The following GTSE1 variants were observed in gnomAD, a reference collection of about 807,000 sequenced individuals.
GTSE1 encodes G2 and S phase-expressed protein 1.
GTSE1 carries 52 observed loss-of-function variants against 60.5 expected under a neutral mutation model. The ratio of observed to expected loss-of-function variants is 0.86; its 90% confidence interval spans 0.69 to 1.08. GTSE1 has a LOEUF of 1.08. Ranked by LOEUF, GTSE1 falls within the 50% of genes least tolerant of loss-of-function variation. The pLI, the probability that GTSE1 is intolerant of heterozygous loss-of-function variation, is 0.00. For synonymous variants in GTSE1, 368 were observed against 386.5 expected, an observed-to-expected ratio of 0.95 and a Z score of 0.56; for missense variants, 937 against 961.8, an observed-to-expected ratio of 0.97 and a Z score of 0.34.
At chr22:46,306,451 G>A (rs1377228673) in intron 2 of GTSE1, among the ~76,000 whole-genome samples, 1 of 150,306 alleles carries the variant, frequency 6.7e-6, no homozygotes, top group Non-Finnish European at 1.5e-5. Flanking sequence ...AAAGTGCTGG[G>A]ATTACAGGCG....
Position 46,330,343 on chromosome 22 carries a change from G to T in GTSE1, c.*213G>T. The T allele has an allele frequency of 2.0e-6, 1 of 498,434 alleles. No homozygotes were observed. Among genetic ancestry groups the T allele is most frequent in the South Asian group, 2.2e-5 (1 of 46,036 alleles). 30.9% of individuals were successfully genotyped at this position (498,434 alleles called of 1,614,324 possible). On this transcript the variant is annotated 3_prime_UTR_variant, in exon 12 of 12. Coordinates refer to ENST00000454366, the MANE Select transcript of GTSE1 (RefSeq NM_016426.7). The surrounding 1 kb of genome is among the most constrained non-coding windows in gnomAD (Gnocchi z 6.0). ...CAAAAAATACAAAAATTAGCCGGGTGTGGTAGTGCATGCCTGTAGTCCCAG... is the reference window on the plus strand; with the variant it reads ...CAAAAAATACAAAAATTAGCCGGGTTTGGTAGTGCATGCCTGTAGTCCCAG...
chr22:46,329,987 G>A lies in GTSE1; in HGVS notation c.2137-60G>A. On this transcript the variant is annotated intron_variant, in intron 11 of 11. Transcript: ENST00000454366. The surrounding 1 kb of genome is among the most constrained non-coding windows in gnomAD (Gnocchi z 6.4). ...CCACGCAGCCAGTCCTCTGTGCAGG[G>A]AGGGGAAGGGAGGCCCTAGCCGGAT... 1.0e-6 allele frequency: 1 copy of A among 1,002,342 alleles called. No homozygotes were observed. The highest frequency in any genetic ancestry group is 1.3e-5 in the South Asian group (1 of 78,392). 62.1% of individuals were successfully genotyped at this position (1,002,342 alleles called of 1,614,324 possible).
In GTSE1 at chr22:46,318,773, G is replaced by C. The variant is rs1217310280; in HGVS notation, c.1432+2361G>C. On this transcript the variant is annotated intron_variant, in intron 7 of 11. Transcript: ENST00000454366. The surrounding 1 kb of genome is among the most constrained non-coding windows in gnomAD (Gnocchi z 4.8). ...CGGAGGGTGGGAGTGCAGCCGCTGC[G>C]GTCGGGATTCTGCGTAGACGTGCGA... Among the ~76,000 whole-genome samples the C allele has an allele frequency of 6.6e-6, 1 of 152,136 alleles. No homozygotes were observed. Among genetic ancestry groups the C allele is most frequent in the Non-Finnish European group, 1.5e-5 (1 of 68,026 alleles).
In GTSE1 at chr22:46,304,526, T is replaced by A. The variant is rs1203761779; in HGVS notation, c.80-3624T>A. Among the ~76,000 whole-genome samples, 2 of 152,212 alleles carry A rather than the reference T, an allele frequency of 1.3e-5. No homozygotes were observed. The highest frequency in any genetic ancestry group is 2.9e-5 in the Non-Finnish European group (2 of 68,036). ...GCCCGTTCAACATATGTGCAGACGA[T>A]CATGGTTTTCTCTTTAGCTCTAGTA... On this transcript the variant is annotated intron_variant, in intron 2 of 11. Transcript: ENST00000454366. This position sits in a 1 kb window ranked among gnomAD's most constrained non-coding sequence, Gnocchi z 4.4.
chr22:46,309,406 G>A lies in GTSE1; in HGVS notation c.762+463G>A, dbSNP rs1248432426. ...AGTCTGCCTACTCTGGGACACTGAG[G>A]GTCCTGGAGGTCTGGGGGAAAGCTG... On this transcript the variant is annotated intron_variant, in intron 4 of 11. Transcript: ENST00000454366. The surrounding 1 kb of genome is among the most constrained non-coding windows in gnomAD (Gnocchi z 6.2). Among the ~76,000 whole-genome samples the A allele has an allele frequency of 6.6e-6, 1 of 152,130 alleles. No homozygotes were observed. The highest frequency in any genetic ancestry group is 1.5e-5 in the Non-Finnish European group (1 of 68,026).
rs754061161 is a variant in GTSE1 at position 46,297,301 on chromosome 22, C to G, written c.-21-79C>G. Reference sequence around the variant, plus strand: ...CCGCGGCCTTCAGCTCTCTCTGCCTCTGTGAGCCGAGGGCTGAAGGAAGCC... The same window carrying G: ...CCGCGGCCTTCAGCTCTCTCTGCCTGTGTGAGCCGAGGGCTGAAGGAAGCC... On this transcript the variant is annotated intron_variant, in intron 1 of 11. Coordinates refer to ENST00000454366, the MANE Select transcript of GTSE1 (RefSeq NM_016426.7). The surrounding 1 kb of genome is among the most constrained non-coding windows in gnomAD (Gnocchi z 4.9). The G allele has an allele frequency of 1.1e-5, 10 of 870,290 alleles. No individual in the cohort carries two copies. The highest frequency in any genetic ancestry group is 1.7e-5 in the Non-Finnish European group (9 of 515,974). 53.9% of individuals were successfully genotyped at this position (870,290 alleles called of 1,614,324 possible).
In GTSE1 at chr22:46,330,144, C is replaced by T. The variant is rs1411730308; in HGVS notation, c.*14C>T. On this transcript the variant is annotated 3_prime_UTR_variant, in exon 12 of 12. Coordinates refer to ENST00000454366, the MANE Select transcript of GTSE1 (RefSeq NM_016426.7). The surrounding 1 kb of genome is among the most constrained non-coding windows in gnomAD (Gnocchi z 6.0). Reference sequence around the variant, plus strand: ...CTCAAGTTCTAAGCCGAACCAAATCCTTTGCCTTGAAAGAACAGCCCTAAA... The same window carrying T: ...CTCAAGTTCTAAGCCGAACCAAATCTTTTGCCTTGAAAGAACAGCCCTAAA... The T allele has an allele frequency of 6.5e-7, 1 of 1,540,782 alleles. No individual in the cohort carries two copies. The highest frequency in any genetic ancestry group is 1.7e-5 in the Admixed American group (1 of 59,946).
Position 46,314,139 on chromosome 22 carries a change from G to A in GTSE1, c.1051+126G>A. On this transcript the variant is annotated intron_variant, in intron 6 of 11. Coordinates refer to ENST00000454366, the MANE Select transcript of GTSE1 (RefSeq NM_016426.7). The surrounding 1 kb of genome is among the most constrained non-coding windows in gnomAD (Gnocchi z 7.1). ...GGCAGGACGTCCCGGAGGGCGTGCT[G>A]TGTGCGGTGGACCAGGCTGTGGACT... 8.6e-7 allele frequency: 1 copy of A among 1,159,000 alleles called. No individual in the cohort carries two copies. Among genetic ancestry groups the A allele is most frequent in the African/African-American group, 1.5e-5 (1 of 66,022 alleles). 71.8% of individuals were successfully genotyped at this position (1,159,000 alleles called of 1,614,324 possible).
At chr22:46,325,589 G>A (rs2077839018) in intron 8 of GTSE1, among the ~76,000 whole-genome samples, 1 of 152,094 alleles carries the variant, frequency 6.6e-6, no homozygotes, top group Admixed American at 6.5e-5. Context: ...TCTACCTCCT[G>A]GGTTCAAGTG....
At position 46,321,265 on chromosome 22, in the gene GTSE1, A is replaced by G. The variant is rs986724127; in HGVS notation, c.1433-1925A>G. On this transcript the variant is annotated intron_variant, in intron 7 of 11. Transcript: ENST00000454366. The surrounding 1 kb of genome is among the most constrained non-coding windows in gnomAD (Gnocchi z 4.0). ...ATTCTACAAAAACATTTAGCTGGGC[A>G]TGGTGCTGGGCACCTGTAGTCCCAG... Among the ~76,000 whole-genome samples the G allele has an allele frequency of 6.6e-6, 1 of 152,170 alleles. No homozygotes were observed. The highest frequency in any genetic ancestry group is 2.4e-5 in the African/African-American group (1 of 41,448).
At chr22:46,311,862 G>A (rs2077750344) in intron 4 of GTSE1, among the ~76,000 whole-genome samples, 2 of 152,186 alleles carry the variant, frequency 1.3e-5, no homozygotes, top group African/African-American at 4.8e-5. Flanking sequence ...CCTGACTGGG[G>A]AATGGCTTTA....
Position 46,308,441 on chromosome 22 carries a change from C to G in GTSE1, c.260C>G (p.Pro87Arg), listed in dbSNP as rs535759667. ...CCTCCGTTGCCCACATCTGAGAGTC[C>G]CTTTGCCTGGAGCCCTCTGGCCGGG... is the stretch of plus-strand genomic sequence containing the variant. ...EQPPLPTSES[P>R]FAWSPLAGEK... Residue 87 changes from proline (P) to arginine (R), a missense_variant, in exon 4 of 12, where the codon CCC (proline) becomes CGC (arginine). By Grantham distance (103) the Pro-to-Arg change is moderately radical. Coordinates refer to ENST00000454366, the MANE Select transcript of GTSE1 (RefSeq NM_016426.7). The G allele has an allele frequency of 9.3e-6, 15 of 1,614,152 alleles. No individual in the cohort carries two copies. In the South Asian group the frequency reaches 1.5e-4, roughly 17 times the overall value.
At chr22:46,322,477 T>C (rs921985150) in intron 7 of GTSE1, among the ~76,000 whole-genome samples, 8 of 152,128 alleles carry the variant, frequency 5.3e-5, no homozygotes, top group African/African-American at 1.9e-4. Flanking sequence ...GCACATGTGC[T>C]GATACTCAAG....
chr22:46,315,314 C>T (rs1474454609), intron 6 of GTSE1, among the ~76,000 whole-genome samples: 1 of 152,156 alleles, frequency 6.6e-6, no homozygotes, highest in Non-Finnish European at 1.5e-5. Flanking sequence ...GCCTTGGCCT[C>T]CCAAAGTGCT....
rs143972837 is a variant in GTSE1, at chr22:46,297,703, C to T, written c.79+224C>T. Among the ~76,000 whole-genome samples, 1 of 152,202 alleles carries T rather than the reference C, an allele frequency of 6.6e-6. No individual in the cohort carries two copies. Among genetic ancestry groups the T allele is most frequent in the Non-Finnish European group, 1.5e-5 (1 of 68,036 alleles). ...CATCCGTTTTATTTACCGCAGTGCT[C>T]CCATGCCCTGAACAGCACCTAACAC... On this transcript the variant is annotated intron_variant, in intron 2 of 11. Coordinates refer to ENST00000454366, the MANE Select transcript of GTSE1 (RefSeq NM_016426.7). The surrounding 1 kb of genome is among the most constrained non-coding windows in gnomAD (Gnocchi z 4.9).
At chr22:46,307,833 C>T (rs1188337201) in intron 2 of GTSE1, among the ~76,000 whole-genome samples, 1 of 151,572 alleles carries the variant, frequency 6.6e-6, no homozygotes, top group African/African-American at 2.4e-5. Flanking sequence ...AAAAACTGGC[C>T]AGGCATGGTG....
Position 46,329,084 on chromosome 22 carries a change from G to C in GTSE1, c.1926+195G>C. On this transcript the variant is annotated intron_variant, in intron 10 of 11. Coordinates refer to ENST00000454366, the MANE Select transcript of GTSE1 (RefSeq NM_016426.7). This position sits in a 1 kb window ranked among gnomAD's most constrained non-coding sequence, Gnocchi z 6.4. ...CTCCAGGGGAGAAAGCCCTGCATTTGACTAAGGCAAGGGTCAGGGATCAAA... is the reference window on the plus strand; with the variant it reads ...CTCCAGGGGAGAAAGCCCTGCATTTCACTAAGGCAAGGGTCAGGGATCAAA... 1 of 619,290 alleles carries C rather than the reference G, an allele frequency of 1.6e-6. No homozygotes were observed. The highest frequency in any genetic ancestry group is 2.8e-6 in the Non-Finnish European group (1 of 351,146). The allele number at this position is 619,290 out of a possible 1,614,324, so 38.4% of individuals were successfully genotyped here.
In GTSE1 at chr22:46,321,634, T is replaced by G. The variant is rs986024377; in HGVS notation, c.1433-1556T>G. Among the ~76,000 whole-genome samples the G allele has an allele frequency of 2.6e-5, 4 of 152,130 alleles. No homozygotes were observed. Among genetic ancestry groups the G allele is most frequent in the Non-Finnish European group, 5.9e-5 (4 of 68,022 alleles). On this transcript the variant is annotated intron_variant, in intron 7 of 11. Transcript: ENST00000454366. This position sits in a 1 kb window ranked among gnomAD's most constrained non-coding sequence, Gnocchi z 4.0. ...GAGGTAGCAATGTGGGTGCGTGATT[T>G]AGAAATGAGTGAAGGGAGACATCGC... is the stretch of plus-strand genomic sequence containing the variant.
chr22:46,306,021 T>G (rs1025227594), intron 2 of GTSE1, among the ~76,000 whole-genome samples: 1 of 152,178 alleles, frequency 6.6e-6, no homozygotes, highest in Non-Finnish European at 1.5e-5. Context: ...TTTCATTCCC[T>G]CTCTGTGTGG....
Sources: allele counts gnomAD v4.1 joint callset (sites outside exome capture counted in the v4.1 genomes callset), GRCh38; gene constraint gnomAD v4.1.1; non-coding constraint Gnocchi (gnomAD v3.1); transcripts MANE v1.5; gene names NCBI Gene and HGNC (gene_info 2026-07-23, HGNC 2026-07-21).